Variants in RCOR3 observed in about 807,000 individuals in gnomAD.
The protein encoded by RCOR3 is REST corepressor 3.
Under a neutral mutation model 64.1 loss-of-function variants are expected in RCOR3, and 13 were observed. The ratio of observed to expected loss-of-function variants is 0.20; its 90% CI spans 0.13 to 0.32. The LOEUF is 0.32. RCOR3 is among the 10% of genes least tolerant of loss of function. RCOR3 has a pLI of 1.00. For missense variants in RCOR3, 489 were observed against 701.2 expected (o/e 0.70, Z 3.42); for synonymous variants, 215 against 239.0 (o/e 0.90, Z 0.93).
intron 8 of RCOR3, among the ~76,000 whole-genome samples, chr1:211,289,906 C>G (rs959670874): frequency 3.3e-5 from 5 of 152,142 alleles, no homozygotes; most frequent in African/African-American, 1.2e-4. Context: ...CCTGGCTATA[C>G]CATCTCTTCC....
At chr1:211,286,831 T>A (rs1486762477) in intron 7 of RCOR3, among the ~76,000 whole-genome samples, 1 of 152,118 alleles carries the variant, frequency 6.6e-6, no homozygotes, top group African/African-American at 2.4e-5. Flanking sequence ...TAGTCCGTTT[T>A]GTTTAGATTT....
chr1:211,306,341 G>A (rs1442318914), intron 10 of RCOR3, among the ~76,000 whole-genome samples: 1 of 151,564 alleles, frequency 6.6e-6, no homozygotes, highest in Non-Finnish European at 1.5e-5. Context: ...ACCTTAGCAG[G>A]CAATTGTTTT....
At chr1:211,298,092 G>A (rs780666070) in intron 9 of RCOR3, among the ~76,000 whole-genome samples, 8 of 152,120 alleles carry the variant, frequency 5.3e-5, no homozygotes, top group Admixed American at 3.3e-4. Context: ...TGTTAGGCCC[G>A]GTGAGAAGTG....
chr1:211,267,738 C>T (rs1695444779), intron 2 of RCOR3: 3 of 289,544 alleles, frequency 1.0e-5, no homozygotes, highest in Non-Finnish European at 2.0e-5. Flanking sequence ...ACTACAGGTG[C>T]ACACGATCAC....
At chr1:211,276,165 C>A in intron 4 of RCOR3, 92 bp from the exon 5 acceptor site, 1 of 1,272,302 alleles carries the variant, frequency 7.9e-7, no homozygotes, top group Non-Finnish European at 1.1e-6. Context: ...AAGTCATAGG[C>A]TTAAGATTTT....
intron 4 of RCOR3, among the ~76,000 whole-genome samples, chr1:211,274,810 G>GAGT (rs1280066750): frequency 6.6e-6 from 1 of 151,686 alleles, no homozygotes; most frequent in African/African-American, 2.4e-5. Flanking sequence ...TCTGTATGTA[G>GAGT]AGTTAAGTCT....
Position 211,284,041 on chromosome 1 carries a change from T to TA in RCOR3, c.720+4726dup, listed in dbSNP as rs532404858. On this transcript the variant is annotated intron_variant, in intron 7 of 11. Coordinates refer to ENST00000419091, the MANE Select transcript of RCOR3 (RefSeq NM_001136223.3). ...TTTTAAATTTATTATTTATTTATTT[T>TA]ATTTTATTTTATTTATTTATTTATT... Among the ~76,000 whole-genome samples, 94 of 151,010 alleles carry TA rather than the reference T, an allele frequency of 6.2e-4. 1 individual carries two copies. Among genetic ancestry groups the TA allele is most frequent in the African/African-American group, 2.2e-3 (91 of 41,424 alleles).
intron 2 of RCOR3, among the ~76,000 whole-genome samples, chr1:211,262,480 GT>G (rs957295479): frequency 6.6e-6 from 1 of 151,676 alleles, no homozygotes; most frequent in African/African-American, 2.4e-5. Flanking sequence ...AGTCTGTGTG[GT>G]TTTTTTTGGT....
intron 2 of RCOR3, among the ~76,000 whole-genome samples, chr1:211,262,295 A>G (rs1449919462): frequency 1.3e-5 from 2 of 151,972 alleles, no homozygotes; most frequent in Admixed American, 6.6e-5. Context: ...TCGACCTCCC[A>G]AAGTGTTGGG....
chr1:211,264,388 A>G (rs1029857620), intron 2 of RCOR3, among the ~76,000 whole-genome samples: 1 of 152,218 alleles, frequency 6.6e-6, no homozygotes, highest in African/African-American at 2.4e-5. Context: ...TTAAGCAGGT[A>G]AAGAATGAAT....
chr1:211,291,278 G>C (rs1297106337), intron 8 of RCOR3, among the ~76,000 whole-genome samples: 2 of 152,282 alleles, frequency 1.3e-5, no homozygotes, highest in African/African-American at 4.8e-5. Context: ...AGTACAGGTT[G>C]AGCATCCCTA....
At chr1:211,294,665 C>G (rs923630169) in intron 8 of RCOR3, among the ~76,000 whole-genome samples, 2 of 144,544 alleles carry the variant, frequency 1.4e-5, no homozygotes, top group Non-Finnish European at 3.0e-5. Flanking sequence ...TCTCAGCTCA[C>G]TGCAAGCTCC....
Position 211,315,408 on chromosome 1 carries a change from G to C in RCOR3, c.*1640G>C, listed in dbSNP as rs1701815283. On this transcript the variant is annotated 3_prime_UTR_variant, in exon 12 of 12. Coordinates refer to ENST00000419091, the MANE Select transcript of RCOR3 (RefSeq NM_001136223.3). ...ATTTCCATAAATACCCTACGTACTG[G>C]CATATTTGAAACTCTTTTTCCAGGT... 1 of 152,084 alleles carries C rather than the reference G, an allele frequency of 6.6e-6. No homozygotes were observed. The highest frequency in any genetic ancestry group is 2.1e-4 in the South Asian group (1 of 4,818). The allele number at this position is 152,084 out of a possible 1,614,324, so 9.4% of individuals were successfully genotyped here.
intron 5 of RCOR3, among the ~76,000 whole-genome samples, chr1:211,277,183 G>A (rs1697125973): frequency 6.7e-6 from 1 of 148,410 alleles, no homozygotes; most frequent in Non-Finnish European, 1.5e-5. Context: ...TTTTTTTAAT[G>A]GAGAGAAACT....
chr1:211,300,633 A>G (rs1189031789), intron 9 of RCOR3, among the ~76,000 whole-genome samples: 1 of 152,258 alleles, frequency 6.6e-6, no homozygotes, highest in Non-Finnish European at 1.5e-5. Flanking sequence ...TGGATGCACA[A>G]TCTCATTATT....
intron 6 of RCOR3, 102 bp downstream of exon 6, chr1:211,278,343 C>T (rs1416043589): frequency 7.8e-7 from 1 of 1,275,418 alleles, no homozygotes; most frequent in Non-Finnish European, 1.1e-6. Context: ...TGTAAATATT[C>T]CTTATTCTTA....
chr1:211,313,958 C>A lies in RCOR3; in HGVS notation c.*190C>A. 1 of 600,142 alleles carries A rather than the reference C, an allele frequency of 1.7e-6. No homozygotes were observed. Among genetic ancestry groups the A allele is most frequent in the Non-Finnish European group, 2.9e-6 (1 of 343,388 alleles). The allele number at this position is 600,142 out of a possible 1,614,324, so 37.2% of individuals were successfully genotyped here. ...TTCACTAGACTAAAATGTTTTACAACAAAAAGCCTCCAGTTAGCCTCCTTT... is the reference window on the plus strand; with the variant it reads ...TTCACTAGACTAAAATGTTTTACAAAAAAAAGCCTCCAGTTAGCCTCCTTT... On this transcript the variant is annotated 3_prime_UTR_variant, in exon 12 of 12. Coordinates refer to ENST00000419091, the MANE Select transcript of RCOR3 (RefSeq NM_001136223.3). The surrounding 1 kb of genome is among the most constrained non-coding windows in gnomAD (Gnocchi z 4.7).
chr1:211,274,685 A>T (rs1329526594), intron 4 of RCOR3, among the ~76,000 whole-genome samples: 2 of 152,048 alleles, frequency 1.3e-5, no homozygotes, highest in African/African-American at 4.8e-5. Flanking sequence ...TACAGGATCT[A>T]AAAGTTAAAC....
intron 4 of RCOR3, 138 bp downstream of exon 4, chr1:211,274,400 G>T (rs1696665801): frequency 2.0e-6 from 1 of 504,782 alleles, no homozygotes; most frequent in Non-Finnish European, 3.5e-6. Context: ...TCCTAGCAAA[G>T]AGTGACCTTT....
Sources: allele counts gnomAD v4.1 joint callset (sites outside exome capture counted in the v4.1 genomes callset), GRCh38; gene constraint gnomAD v4.1.1; non-coding constraint Gnocchi (gnomAD v3.1); transcripts MANE v1.5; gene names NCBI Gene and HGNC (gene_info 2026-07-23, HGNC 2026-07-21).